Variants in DEPDC5 observed in about 807,000 individuals in gnomAD.
DEPDC5 encodes DEP domain containing 5, GATOR1 subcomplex subunit, also known as GATOR1 complex protein DEPDC5.
A neutral mutation model predicts 217.3 loss-of-function variants in DEPDC5; 73 were observed. The ratio of observed to expected loss-of-function variants is 0.34; its 90% CI spans 0.28 to 0.41. The LOEUF (loss-of-function observed/expected upper bound fraction) is 0.41. Among genes scored for constraint, DEPDC5 ranks in the 10% least tolerant of loss-of-function variants. The pLI, the probability that DEPDC5 is intolerant of heterozygous loss-of-function variation, is 1.00. For synonymous variants in DEPDC5, 733 were observed against 756.7 expected (o/e 0.97, Z 0.51); for missense variants, 1,675 against 2,070.1 (o/e 0.81, Z 3.70).
At chr22:31,784,928 AT>A in intron 10 of DEPDC5, 53 bp downstream of exon 10, 1 of 1,508,644 alleles carries the variant, frequency 6.6e-7, no homozygotes. Context: ...ACTCAATCAG[AT>A]TTTTAAAATG....
In DEPDC5 at chr22:31,906,361, G is replaced by A. The variant is rs776322559; in HGVS notation, c.4676G>A (p.Arg1559His). 6 of 1,614,074 alleles carry A rather than the reference G, an allele frequency of 3.7e-6. No individual in the cohort carries two copies. The highest frequency in any genetic ancestry group is 2.2e-5 in the East Asian group (1 of 44,886). ...AACACCATGCTCACCAAAACATGGCGCTCCAGCGCCACAGGGGATGAAAAG... is the reference window on the plus strand; with the variant it reads ...AACACCATGCTCACCAAAACATGGCACTCCAGCGCCACAGGGGATGAAAAG... ...AYNTMLTKTW[R>H]SSATGDEKFA... The change falls in exon 43 of 43, where the codon CGC becomes CAC. Residue 1559 changes from arginine (R) to histidine (H), a missense_variant. Transcript: ENST00000651528. This position sits in a 1 kb window ranked among gnomAD's most constrained non-coding sequence, Gnocchi z 5.1.
rs2085725750 is a variant in DEPDC5 at position 31,792,071 on chromosome 22, T to C, written c.663T>C (p.Phe221=). The C allele has an allele frequency of 6.2e-7, 1 of 1,613,074 alleles. No individual in the cohort carries two copies. Among genetic ancestry groups the C allele is most frequent in the Non-Finnish European group, 8.5e-7 (1 of 1,179,372 alleles). The change falls in exon 11 of 43, where the codon TTT becomes TTC. Residue 221 remains phenylalanine (F), a synonymous_variant. Transcript: ENST00000651528. ...GTCATGAAGTGACAGTGGTCCTGTT[T>C]TCTAGAACTTTCTATGATGCAAAAT... is the stretch of plus-strand genomic sequence containing the variant. ...NCSHEVTVVL[F]SRTFYDAKSV... is the part of the protein sequence containing the mutation.
intron 21 of DEPDC5, among the ~76,000 whole-genome samples, chr22:31,817,776 T>C (rs991710504): frequency 2.6e-5 from 4 of 152,170 alleles, no homozygotes; most frequent in African/African-American, 7.2e-5. Flanking sequence ...AATAAGCTAC[T>C]GTACCTGGCC....
At position 31,836,991 on chromosome 22, in the gene DEPDC5, C is replaced by A. The variant is rs762034639; in HGVS notation, c.2190C>A (p.Pro730=). 1 of 1,614,086 alleles carries A rather than the reference C, an allele frequency of 6.2e-7. No individual in the cohort carries two copies. Among genetic ancestry groups the A allele is most frequent in the Non-Finnish European group, 8.5e-7 (1 of 1,180,014 alleles). Residue 730 remains proline (P), a synonymous_variant, in exon 26 of 43, where the codon CCC becomes CCA. Coordinates refer to ENST00000651528, the MANE Select transcript of DEPDC5 (RefSeq NM_001242896.3). ...SPDPILTLSA[P]PVVPGFCCTV... ...AGGCAGTTCTGACACTGTCTGCTCC[C>A]CCTGTAGTGCCAGGCTTCTGTTGCA...
intron 34 of DEPDC5, among the ~76,000 whole-genome samples, chr22:31,871,156 A>G (rs1779494574): frequency 6.6e-6 from 1 of 152,260 alleles, no homozygotes. Flanking sequence ...TCTATTCCTT[A>G]GTATCCGGAG....
intron 17 of DEPDC5, among the ~76,000 whole-genome samples, chr22:31,805,442 C>T (rs2087398839): frequency 6.6e-6 from 1 of 152,140 alleles, no homozygotes; most frequent in Admixed American, 6.6e-5. Context: ...TGATAGCTAA[C>T]AGCCACTTTT....
At chr22:31,766,089 GGTTGCATTT>G (rs2082793672) in intron 5 of DEPDC5, among the ~76,000 whole-genome samples, 1 of 152,140 alleles carries the variant, frequency 6.6e-6, no homozygotes, top group Non-Finnish European at 1.5e-5. Context: ...GCAGTATGTA[GGTTGCATTT>G]AAAACCCACC....
chr22:31,868,398 A>T (rs562118169), intron 33 of DEPDC5, among the ~76,000 whole-genome samples: 2 of 152,272 alleles, frequency 1.3e-5, no homozygotes, highest in South Asian at 4.1e-4. Context: ...TACTGCTGAG[A>T]CTGAGAAGCC....
chr22:31,810,202 C>T (rs2088108432), intron 19 of DEPDC5, among the ~76,000 whole-genome samples: 1 of 152,088 alleles, frequency 6.6e-6, no homozygotes, highest in Non-Finnish European at 1.5e-5. Context: ...AACTACTAAA[C>T]ATATTAAGAT....
intron 4 of DEPDC5, 69 bp from the exon 5 acceptor site, chr22:31,764,906 A>C (rs2082685765): frequency 1.7e-6 from 2 of 1,181,164 alleles, no homozygotes; most frequent in Non-Finnish European, 2.5e-6. Flanking sequence ...TTGAGTGTTT[A>C]TAGATTAGAA....
chr22:31,799,664 G>C (rs2086650513), intron 14 of DEPDC5, among the ~76,000 whole-genome samples: 1 of 151,036 alleles, frequency 6.6e-6, no homozygotes, highest in Admixed American at 6.6e-5. Flanking sequence ...ACCATGCCCG[G>C]CTAATTTTTG....
At chr22:31,755,293 G>A in intron 2 of DEPDC5, 1 of 389,282 alleles carries the variant, frequency 2.6e-6, no homozygotes, top group Non-Finnish European at 4.7e-6. Context: ...GCAGATAAGA[G>A]AAACTAAAAT....
In DEPDC5 at chr22:31,898,983, C is replaced by T. The variant is rs76201173; in HGVS notation, c.4375+1330C>T. On this transcript the variant is annotated intron_variant, in intron 40 of 42. Transcript: ENST00000651528. ...TGGGGCAGTTTTAAGCCAAGCAGCT[C>T]CTGGTACTATTGTTTTTATTATGTT... is the stretch of plus-strand genomic sequence containing the variant. Among the ~76,000 whole-genome samples, 1,069 of 152,316 alleles carry T rather than the reference C, an allele frequency of 7.0e-3. 15 individuals carry two copies. Among genetic ancestry groups the T allele is most frequent in the African/African-American group, 0.023 (970 of 41,570 alleles).
At chr22:31,766,783 C>A in intron 6 of DEPDC5, 115 bp downstream of exon 6, 1 of 830,054 alleles carries the variant, frequency 1.2e-6, no homozygotes, top group Non-Finnish European at 1.9e-6. Context: ...CATCTACAGA[C>A]AATTATTGTC....
intron 33 of DEPDC5, among the ~76,000 whole-genome samples, chr22:31,865,174 T>C (rs918426958): frequency 1.3e-5 from 2 of 152,122 alleles, no homozygotes; most frequent in Admixed American, 1.3e-4. Context: ...GCCTCACCTT[T>C]TTTGGAATGA....
rs766808631 is a variant in DEPDC5, at chr22:31,804,919, G to T, written c.1217+4G>T. Reference sequence around the variant, plus strand: ...TCCCTCACTGGATAAACCACAGGTGGGTGCGATCTCGATCAATAGTAGGTG... The same window carrying T: ...TCCCTCACTGGATAAACCACAGGTGTGTGCGATCTCGATCAATAGTAGGTG... On this transcript the variant is annotated splice_donor_region_variant and intron_variant, in intron 17 of 42. Coordinates refer to ENST00000651528, the MANE Select transcript of DEPDC5 (RefSeq NM_001242896.3). 3 of 1,612,406 alleles carry T rather than the reference G, an allele frequency of 1.9e-6. No individual in the cohort carries two copies. The Admixed American group carries it at 5.0e-5, about 27-fold the overall frequency.
At chr22:31,840,782 G>T (rs1165180124) in intron 27 of DEPDC5, among the ~76,000 whole-genome samples, 4 of 152,182 alleles carry the variant, frequency 2.6e-5, no homozygotes, top group Non-Finnish European at 4.4e-5. Flanking sequence ...GGCCTGTGCT[G>T]CTTATTCATC....
In DEPDC5 at chr22:31,837,085, G is replaced by A; in HGVS notation, c.2284G>A (p.Asp762Asn). 6.2e-7 allele frequency: 1 copy of A among 1,614,124 alleles called. No homozygotes were observed. Among genetic ancestry groups the A allele is most frequent in the Non-Finnish European group, 8.5e-7 (1 of 1,180,040 alleles). ...CLPLTTDYFP[D>N]RQGLQNDYTE... ...CCCCCTTACCACCGACTACTTCCCTGACCGCCAGGGCCTGCAGAATGACTA... is the reference window on the plus strand; with the variant it reads ...CCCCCTTACCACCGACTACTTCCCTAACCGCCAGGGCCTGCAGAATGACTA... Residue 762 changes from aspartate to asparagine, a missense_variant, in exon 26 of 43, where the codon GAC becomes AAC. Physicochemically the swap from Asp to Asn is conservative, Grantham distance 23 (BLOSUM62 1). Around this residue, in one of 11 missense-constraint regions of DEPDC5, gnomAD observed 293 missense variants for 386.1 expected, o/e 0.76. Coordinates refer to ENST00000651528, the MANE Select transcript of DEPDC5 (RefSeq NM_001242896.3).
intron 8 of DEPDC5, among the ~76,000 whole-genome samples, chr22:31,780,485 GT>G (rs1166255604): frequency 6.6e-6 from 1 of 152,118 alleles, no homozygotes; most frequent in East Asian, 1.9e-4. Flanking sequence ...CCCATGTGTT[GT>G]TCCCCACTGC....
Sources: gnomAD v4.1 joint callset for allele counts (sites outside exome capture counted in the v4.1 genomes callset) on GRCh38, gnomAD v4.1.1 for gene constraint, gnomAD v4.1.1 regional missense constraint, Gnocchi (gnomAD v3.1) non-coding constraint, MANE v1.5 for transcripts, NCBI Gene and HGNC (gene_info 2026-07-23, HGNC 2026-07-21) for gene names.